GNAS: variants seen among roughly 807,000 people sequenced by gnomAD.
GNAS encodes protein ALEX.
Under a neutral mutation model 54.5 loss-of-function variants are expected in GNAS, and 8 were observed. The ratio of observed to expected loss-of-function variants is 0.15; its 90% CI spans 0.09 to 0.26. The LOEUF (loss-of-function observed/expected upper bound fraction) is 0.26. GNAS is among the 10% of genes least tolerant of loss of function. GNAS has a pLI of 1.00. For synonymous variants in GNAS, 204 were observed against 191.4 expected (o/e 1.07, Z -0.54); for missense variants, 170 against 529.8 (o/e 0.32, Z 6.67).
chr20:58,874,066 C>A (rs1483990889), intron 1 of GNAS, among the ~76,000 whole-genome samples: 1 of 152,176 alleles, frequency 6.6e-6, no homozygotes, highest in Non-Finnish European at 1.5e-5. Flanking sequence ...ATTTTCATGC[C>A]ACTCTGAGGC....
Position 58,860,989 on chromosome 20 carries a change from A to G in GNAS, c.43+20103A>G, listed in dbSNP as rs2086753117. ...GAAGGTTAGTATTAAGCAAAACATA[A>G]ATTTATTTTTAGAGAAGGTAACCTA... On this transcript the variant is annotated intron_variant, in intron 1 of 12. Transcript: ENST00000306090. Among the ~76,000 whole-genome samples the G allele has an allele frequency of 2.0e-5, 3 of 152,162 alleles. No homozygotes were observed. The South Asian group carries it at 6.2e-4, about 31-fold the overall frequency.
intron 1 of GNAS, among the ~76,000 whole-genome samples, chr20:58,846,335 C>T (rs2085939154): frequency 6.6e-6 from 1 of 152,086 alleles, no homozygotes; most frequent in South Asian, 2.1e-4. Context: ...GACTTCAGCT[C>T]AACATTAGGA....
chr20:58,883,897 T>G (rs941335995), intron 1 of GNAS, among the ~76,000 whole-genome samples: 1 of 152,146 alleles, frequency 6.6e-6, no homozygotes, highest in African/African-American at 2.4e-5. Context: ...GGGAAATAGG[T>G]GGAGCTAAGC....
chr20:58,844,196 G>A (rs2085852648), intron 1 of GNAS: 1 of 152,186 alleles, frequency 6.6e-6, no homozygotes, highest in African/African-American at 2.4e-5. Context: ...AGAAACCATG[G>A]TGTGAGTAAA....
rs180919300 is a variant in GNAS at position 58,903,806 on chromosome 20, G to A, written c.432+15G>A. The stretch of plus-strand genomic sequence containing the variant: ...ACTTCCCTCCCGTAAGCTACACCCC[G>A]ACTTGTGTGGCCTTAGCCCCGCCCA... On this transcript the variant is annotated intron_variant, in intron 5 of 12. Coordinates refer to ENST00000371085, the MANE Select transcript of GNAS (RefSeq NM_000516.7). The A allele has an allele frequency of 3.4e-4, 546 of 1,613,822 alleles. 5 individuals carry two copies. In the East Asian group the frequency reaches 4.1e-3, roughly 12 times the overall value.
In GNAS at chr20:58,841,426, C is replaced by T. The variant is rs2085722470; in HGVS notation, c.43+540C>T. 1.0e-6 allele frequency: 1 copy of T among 992,526 alleles called. No homozygotes were observed. Among genetic ancestry groups the T allele is most frequent in the East Asian group, 1.1e-4 (1 of 8,986 alleles). 61.5% of individuals were successfully genotyped at this position (992,526 alleles called of 1,614,324 possible). ...GCGAGAACTCTAGAGACTGACCACC[C>T]GGGAGGGAAGTCACGCGCGCGCGGC... On this transcript the variant is annotated intron_variant, in intron 1 of 12. Coordinates refer to the GNAS transcript ENST00000306090. This position sits in a 1 kb window ranked among gnomAD's most constrained non-coding sequence, Gnocchi z 5.0.
At chr20:58,874,410 C>G (rs189089706) in intron 1 of GNAS, among the ~76,000 whole-genome samples, 6 of 152,376 alleles carry the variant, frequency 3.9e-5, no homozygotes, top group Admixed American at 3.9e-4. Flanking sequence ...ATATTTCCCA[C>G]CTAACCTTAG....
Position 58,854,782 on chromosome 20 carries a change from G to A in GNAS, c.43+13896G>A, listed in dbSNP as rs768243057. On this transcript the variant is annotated intron_variant, in intron 1 of 12. Coordinates refer to the GNAS transcript ENST00000306090. ...ACTGCCCCAGCCGCTTCTGCCACCC[G>A]GGCAGCCCAAGTCCGCCGGGCGGCC... 1.1e-5 allele frequency: 17 copies of A among 1,567,026 alleles called. No individual in the cohort carries two copies. Among genetic ancestry groups the A allele is most frequent in the African/African-American group, 1.3e-5 (1 of 74,074 alleles).
Position 58,894,568 on chromosome 20 carries a change from C to A in GNAS, c.140-1044C>A, listed in dbSNP as rs550854325. Among the ~76,000 whole-genome samples the A allele has an allele frequency of 6.6e-5, 10 of 152,226 alleles. No individual in the cohort carries two copies. In the South Asian group the frequency reaches 1.9e-3, roughly 28 times the overall value. ...GGAAGGAGGGCAAAAAAACTTCACA[C>A]GTGGATTATCTGTTGGAGAATGTGC... is the stretch of plus-strand genomic sequence containing the variant. On this transcript the variant is annotated intron_variant, in intron 1 of 12. Coordinates refer to ENST00000371085, the MANE Select transcript of GNAS (RefSeq NM_000516.7).
intron 1 of GNAS, chr20:58,854,328 G>C: frequency 1.9e-6 from 3 of 1,594,648 alleles, no homozygotes; most frequent in Non-Finnish European, 2.6e-6. Flanking sequence ...ACCCCCAGTT[G>C]AGGAGGAAGC....
At position 58,853,749 on chromosome 20, in the gene GNAS, A is replaced by C. The variant is rs138731520; in HGVS notation, c.43+12863A>C. 6.8e-6 allele frequency: 11 copies of C among 1,613,784 alleles called. No homozygotes were observed. In the Admixed American group the frequency reaches 1.8e-4, roughly 27 times the overall value. ...ATACAGCCCTCCACCAGAAGAAGCT[A>C]TGCCCTTTGAGTTTGACCAGCCTGC... is the stretch of plus-strand genomic sequence containing the variant. On this transcript the variant is annotated intron_variant, in intron 1 of 12. Coordinates refer to the GNAS transcript ENST00000306090. This position sits in a 1 kb window ranked among gnomAD's most constrained non-coding sequence, Gnocchi z 4.4.
chr20:58,900,220 C>T, intron 3 of GNAS: 1 of 538,562 alleles, frequency 1.9e-6, no homozygotes, highest in Non-Finnish European at 3.3e-6. Context: ...TGACAATCTG[C>T]TGTACCAAAA....
chr20:58,882,188 C>G (rs1481032438), intron 1 of GNAS, among the ~76,000 whole-genome samples: 1 of 152,192 alleles, frequency 6.6e-6, no homozygotes, highest in Non-Finnish European at 1.5e-5. Context: ...CCCGCCTCAG[C>G]CTCCCGAGTA....
Position 58,863,745 on chromosome 20 carries a change from C to G in GNAS, c.43+22859C>G, listed in dbSNP as rs1424912958. On this transcript the variant is annotated intron_variant, in intron 1 of 12. Coordinates refer to the GNAS transcript ENST00000306090. This position sits in a 1 kb window ranked among gnomAD's most constrained non-coding sequence, Gnocchi z 4.1. ...GATTTATCTGGCTCTTGCCTCTCCCCCTCCATCAAAAGACCACACTATCTC... is the reference window on the plus strand; with the variant it reads ...GATTTATCTGGCTCTTGCCTCTCCCGCTCCATCAAAAGACCACACTATCTC... The G allele has an allele frequency of 6.6e-6, 1 of 152,580 alleles. No individual in the cohort carries two copies. The highest frequency in any genetic ancestry group is 2.4e-5 in the African/African-American group (1 of 41,426). The allele number at this position is 152,580 out of a possible 1,614,324, so 9.5% of individuals were successfully genotyped here.
intron 1 of GNAS, among the ~76,000 whole-genome samples, chr20:58,893,546 C>T (rs1420644458): frequency 1.3e-5 from 2 of 152,128 alleles, no homozygotes; most frequent in Non-Finnish European, 2.9e-5. Flanking sequence ...TTGGTTTGCT[C>T]TTTTTGCATA....
intron 1 of GNAS, among the ~76,000 whole-genome samples, chr20:58,878,026 A>G (rs1475299136): frequency 1.3e-5 from 2 of 152,170 alleles, no homozygotes; most frequent in East Asian, 1.9e-4. Context: ...AAGAAGGTGC[A>G]TTATTTTGTG....
Position 58,873,278 on chromosome 20 carries a change from GAAGA to G in GNAS, c.44-22327_44-22324del, listed in dbSNP as rs778493374. ...GTTAGGGGTCACGGTGGTTCTTCAG[GAAGA>G]AAGAAATGTTGTTGGGAAATGTTTA... On this transcript the variant is annotated intron_variant, in intron 1 of 12. Transcript: ENST00000306090. The surrounding 1 kb of genome is among the most constrained non-coding windows in gnomAD (Gnocchi z 4.3). Among the ~76,000 whole-genome samples the G allele has an allele frequency of 5.3e-5, 8 of 152,016 alleles. No homozygotes were observed. Among genetic ancestry groups the G allele is most frequent in the Non-Finnish European group, 1.0e-4 (7 of 67,996 alleles).
intron 1 of GNAS, chr20:58,842,591 G>A (rs1328326086): frequency 2.5e-6 from 1 of 398,318 alleles, no homozygotes; most frequent in Admixed American, 4.4e-5. Context: ...GGTTTTCTGC[G>A]ACAGCAATGT....
intron 2 of GNAS, 60 bp from the exon 3 acceptor site, chr20:58,898,881 G>C (rs2090334486): frequency 7.4e-7 from 1 of 1,352,636 alleles, no homozygotes; most frequent in African/African-American, 1.4e-5. Flanking sequence ...GACTGTGTGG[G>C]GTTTGTGTGA....
Sources: allele counts gnomAD v4.1 joint callset (sites outside exome capture counted in the v4.1 genomes callset), GRCh38; gene constraint gnomAD v4.1.1; non-coding constraint Gnocchi (gnomAD v3.1); transcripts MANE v1.5; gene names NCBI Gene and HGNC (gene_info 2026-07-23, HGNC 2026-07-21).